Variants in GPR89A observed in about 807,000 individuals in gnomAD.
GPR89A encodes the protein G protein-coupled receptor 89A.
A neutral mutation model predicts 52.0 loss-of-function variants in GPR89A; 16 were observed. That is an observed-to-expected ratio of 0.31 (90% CI 0.21 to 0.47). The LOEUF (loss-of-function observed/expected upper bound fraction) is 0.47. Among genes scored for constraint, GPR89A ranks in the 20% least tolerant of loss-of-function variants. The pLI, the probability that GPR89A is intolerant of heterozygous loss-of-function variation, is 1.00. For synonymous variants in GPR89A, 55 were observed against 150.9 expected, an observed-to-expected ratio of 0.36 and a Z score of 4.66; for missense variants, 135 against 449.4, an observed-to-expected ratio of 0.30 and a Z score of 6.33.
At chr1:145,654,319 C>T (rs1302310949) in intron 10 of GPR89A, among the ~76,000 whole-genome samples, 2 of 151,822 alleles carry the variant, frequency 1.3e-5, no homozygotes, top group Non-Finnish European at 2.9e-5. Flanking sequence ...TTTGGGAGGC[C>T]GAGGCGGGCA....
intron 7 of GPR89A, among the ~76,000 whole-genome samples, chr1:145,635,589 CA>C (rs1650179918): frequency 1.3e-5 from 2 of 152,114 alleles, no homozygotes; most frequent in African/African-American, 4.8e-5. Flanking sequence ...CAAGATTATT[CA>C]AAAGTGAAAG....
At chr1:145,646,082 A>G in intron 8 of GPR89A, 102 bp from the exon 9 acceptor site, 1 of 1,571,408 alleles carries the variant, frequency 6.4e-7, no homozygotes, top group South Asian at 1.1e-5. Flanking sequence ...AATATAGGCA[A>G]CTCCGGGAAT....
At chr1:145,665,828 A>G (rs1652516666) in intron 12 of GPR89A, among the ~76,000 whole-genome samples, 177 bp downstream of exon 12, 1 of 144,888 alleles carries the variant, frequency 6.9e-6, no homozygotes, top group African/African-American at 2.5e-5. Flanking sequence ...CCCCATCTCT[A>G]CTAAAAATAC....
intron 5 of GPR89A, among the ~76,000 whole-genome samples, chr1:145,625,011 A>G (rs1559029114): frequency 6.6e-6 from 1 of 151,618 alleles, no homozygotes; most frequent in South Asian, 2.1e-4. Flanking sequence ...AGTGTCTATT[A>G]TAGAATCTGC....
intron 10 of GPR89A, among the ~76,000 whole-genome samples, chr1:145,650,467 A>G (rs1553693362): frequency 6.6e-6 from 1 of 151,928 alleles, no homozygotes. Flanking sequence ...TATCTTTATA[A>G]TGGAATGATT....
At chr1:145,641,723 T>A (rs1433222553) in intron 7 of GPR89A, among the ~76,000 whole-genome samples, 7 of 151,984 alleles carry the variant, frequency 4.6e-5, no homozygotes, top group African/African-American at 1.7e-4. Flanking sequence ...TTAGGAACTT[T>A]TAAATGACAT....
chr1:145,639,701 T>G (rs1396544729), intron 7 of GPR89A, among the ~76,000 whole-genome samples: 1 of 150,428 alleles, frequency 6.6e-6, no homozygotes, highest in African/African-American at 2.4e-5. Context: ...GAGCTGAGAT[T>G]GCTCCCCTGC....
At chr1:145,645,738 A>G in intron 8 of GPR89A, 3 of 455,362 alleles carry the variant, frequency 6.6e-6, no homozygotes, top group South Asian at 4.7e-5. Flanking sequence ...TTTGAAAAGA[A>G]AGAAGGTAAT....
chr1:145,613,712 C>G (rs1167595906), intron 1 of GPR89A, among the ~76,000 whole-genome samples: 9 of 150,872 alleles, frequency 6.0e-5, no homozygotes, highest in African/African-American at 2.2e-4. Flanking sequence ...CGCCTTTACT[C>G]ATGCCCTTTG....
intron 4 of GPR89A, 194 bp downstream of exon 4, chr1:145,623,354 G>A (rs1571479591): frequency 6.5e-6 from 4 of 619,172 alleles, no homozygotes; most frequent in Non-Finnish European, 8.2e-6. Context: ...TTGAATGAAT[G>A]ATTAGGTTAT....
At chr1:145,616,811 G>A (rs1648739107) in intron 2 of GPR89A, among the ~76,000 whole-genome samples, 1 of 151,912 alleles carries the variant, frequency 6.6e-6, no homozygotes, top group Admixed American at 6.6e-5. Flanking sequence ...CATATTGGTA[G>A]GACCGTGATG....
chr1:145,646,884 C>T, intron 9 of GPR89A: 9 of 372,436 alleles, frequency 2.4e-5, no homozygotes, highest in South Asian at 2.3e-4. Context: ...AGTTATCGAA[C>T]CTCTCAAAGC....
chr1:145,628,897 GA>G (rs1233892876), intron 5 of GPR89A, among the ~76,000 whole-genome samples: 5 of 152,056 alleles, frequency 3.3e-5, no homozygotes, highest in African/African-American at 9.7e-5. Flanking sequence ...ACGTAAACTC[GA>G]AGCCAAGAAC....
intron 4 of GPR89A, 102 bp downstream of exon 4, chr1:145,623,262 C>T (rs1649263653): frequency 7.9e-6 from 6 of 755,550 alleles, no homozygotes; most frequent in Middle Eastern, 2.5e-4. Context: ...TCAGTATCTA[C>T]CGCTATTTGA....
At chr1:145,668,524 C>A (rs1190842997) in intron 12 of GPR89A, among the ~76,000 whole-genome samples, 3 of 152,088 alleles carry the variant, frequency 2.0e-5, no homozygotes, top group African/African-American at 7.2e-5. Flanking sequence ...CAAACAGGGA[C>A]AATTTGACTT....
intron 5 of GPR89A, among the ~76,000 whole-genome samples, chr1:145,627,044 G>A (rs1649560523): frequency 6.6e-6 from 1 of 151,916 alleles, no homozygotes; most frequent in Non-Finnish European, 1.5e-5. Flanking sequence ...ACCAACCTTG[G>A]AATGTCCTTA....
At position 145,608,090 on chromosome 1, in the gene GPR89A, C is replaced by T. The variant is rs375124623; in HGVS notation, c.-44C>T. 1.5e-4 allele frequency: 241 copies of T among 1,612,538 alleles called. 1 individual carries two copies. Among genetic ancestry groups the T allele is most frequent in the Non-Finnish European group, 2.0e-4 (238 of 1,179,068 alleles). The stretch of plus-strand genomic sequence containing the variant: ...CTGTGGCCCCAGCGTGCTGTGGCCT[C>T]GGGGAGTGGGAAGTGGAGGCAGGAG... On this transcript the variant is annotated 5_prime_UTR_variant, in exon 1 of 14. Transcript: ENST00000313835.
At chr1:145,614,164 C>T (rs1418568231) in intron 1 of GPR89A, among the ~76,000 whole-genome samples, 1 of 151,948 alleles carries the variant, frequency 6.6e-6, no homozygotes, top group Non-Finnish European at 1.5e-5. Flanking sequence ...TACCTTGAAA[C>T]CACTCTAGAA....
At chr1:145,662,697 C>T (rs1468221537) in intron 10 of GPR89A, among the ~76,000 whole-genome samples, 4 of 152,192 alleles carry the variant, frequency 2.6e-5, no homozygotes, top group Admixed American at 1.3e-4. Context: ...TGCTGTCACA[C>T]TCCAGTGGCA....
Sources: gnomAD v4.1 joint callset for allele counts (sites outside exome capture counted in the v4.1 genomes callset) on GRCh38, gnomAD v4.1.1 for gene constraint, MANE v1.5 for transcripts, NCBI Gene and HGNC (gene_info 2026-07-23, HGNC 2026-07-21) for gene names.